Variants in RPA3 observed in about 807,000 individuals in gnomAD.
The protein encoded by RPA3 is replication protein A 14 kDa subunit.
A neutral mutation model predicts 13.7 loss-of-function variants in RPA3; 24 were observed. The ratio of observed to expected loss-of-function variants is 1.75; its 90% CI spans 1.27 to 2.46. The LOEUF is 2.46. Ranked by LOEUF, RPA3 falls within the 30% of genes most tolerant of loss-of-function variation. The pLI is 0.00. For missense variants in RPA3, 183 were observed against 151.0 expected (o/e 1.21, Z -1.11); for synonymous variants, 59 against 51.2 (o/e 1.15, Z -0.65).
chr7:7,659,426 T>A (rs1361923733), intron 4 of RPA3, among the ~76,000 whole-genome samples: 1 of 152,218 alleles, frequency 6.6e-6, no homozygotes, highest in Non-Finnish European at 1.5e-5. Flanking sequence ...TTTCCCACTT[T>A]CTCTTGTTGG....
At chr7:7,670,440 G>A (rs1331827049) in intron 4 of RPA3, among the ~76,000 whole-genome samples, 2 of 152,172 alleles carry the variant, frequency 1.3e-5, no homozygotes, top group African/African-American at 2.4e-5. Flanking sequence ...ACTCCAGGGA[G>A]GGAAGAGAAA....
In RPA3 at chr7:7,639,088, G is replaced by A; in HGVS notation, c.156C>T (p.Thr52=). The part of the protein sequence containing the change: ...ILSDGEGKNG[T]IELMEPLDEE... The stretch of plus-strand genomic sequence containing the variant: ...AACATACGGGTTCCATCAACTCGAT[G>A]GTTCCATTTTTTCCTTCTCCATCTG... The change falls in exon 6 of 8, where the codon ACC becomes ACT. Residue 52 remains threonine (T), a synonymous_variant. Transcript: ENST00000223129. The A allele has an allele frequency of 6.2e-7, 1 of 1,612,222 alleles. No homozygotes were observed. Among genetic ancestry groups the A allele is most frequent in the East Asian group, 2.2e-5 (1 of 44,774 alleles).
intron 4 of RPA3, among the ~76,000 whole-genome samples, chr7:7,648,404 G>A (rs147795737): frequency 1.6e-4 from 25 of 152,212 alleles, no homozygotes; most frequent in Non-Finnish European, 2.8e-4. Context: ...TATGTTCCAG[G>A]TGTGTCTGTC....
Position 7,648,768 on chromosome 7 carries a change from G to A in RPA3, c.-757-7593C>T, listed in dbSNP as rs1381896792. Among the ~76,000 whole-genome samples the A allele has an allele frequency of 2.0e-5, 3 of 152,012 alleles. No homozygotes were observed. The South Asian group carries it at 6.2e-4, about 31-fold the overall frequency. On this transcript the variant is annotated intron_variant, in intron 4 of 7. Coordinates refer to ENST00000223129, the MANE Select transcript of RPA3 (RefSeq NM_002947.5). Reference sequence around the variant, plus strand: ...CTTGGGAGGCTGAGGTGGGAGGATGGCTTGAGTTCAGGAGGTGGAGGTTGC... The same window carrying A: ...CTTGGGAGGCTGAGGTGGGAGGATGACTTGAGTTCAGGAGGTGGAGGTTGC...
At chr7:7,717,898 T>C (rs935802888) in intron 1 of RPA3, among the ~76,000 whole-genome samples, 13 of 152,354 alleles carry the variant, frequency 8.5e-5, no homozygotes, top group African/African-American at 2.6e-4. Context: ...AAAATCTGTT[T>C]ACCAAACTTT....
chr7:7,685,225 A>G (rs142500349), intron 4 of RPA3, among the ~76,000 whole-genome samples: 91 of 152,190 alleles, frequency 6.0e-4, no homozygotes, highest in African/African-American at 2.0e-3. Context: ...TTAAGTAATT[A>G]TCATATTGAG....
rs564798941 is a variant in RPA3 at position 7,662,870 on chromosome 7, G to T, written c.-757-21695C>A. ...AATAAATTTAAAAGAAAGATATAAT[G>T]ATTTTGTTTCAACATGTAAATATTT... On this transcript the variant is annotated intron_variant, in intron 4 of 7. Transcript: ENST00000223129. 1.2e-3 allele frequency among the ~76,000 whole-genome samples: 183 copies of T among 152,200 alleles called. 4 individuals carry two copies. Among genetic ancestry groups the T allele is most frequent in the Admixed American group, 3.7e-3 (57 of 15,296 alleles).
At chr7:7,644,505 T>G (rs1785052399) in intron 4 of RPA3, among the ~76,000 whole-genome samples, 1 of 152,192 alleles carries the variant, frequency 6.6e-6, no homozygotes, top group Non-Finnish European at 1.5e-5. Flanking sequence ...CTAAAATGTT[T>G]AGAGTTTTGC....
At chr7:7,714,134 G>A (rs149064606) in intron 2 of RPA3, among the ~76,000 whole-genome samples, 75 of 152,324 alleles carry the variant, frequency 4.9e-4, no homozygotes, top group African/African-American at 1.6e-3. Context: ...CAGAGAGGGT[G>A]GTACAAATGA....
At chr7:7,639,045 G>A (rs754856446) in intron 6 of RPA3, 25 bp downstream of exon 6, 2 of 1,552,504 alleles carry the variant, frequency 1.3e-6, no homozygotes, top group Non-Finnish European at 1.8e-6. Flanking sequence ...TAATATATAA[G>A]AGACTTATTA....
intron 2 of RPA3, among the ~76,000 whole-genome samples, chr7:7,700,548 GA>G (rs1780433882): frequency 6.6e-6 from 1 of 151,942 alleles, no homozygotes; most frequent in African/African-American, 2.4e-5. Context: ...AACATAGTGA[GA>G]CCCCCATCTC....
At chr7:7,642,233 T>TC (rs1343343101) in intron 4 of RPA3, among the ~76,000 whole-genome samples, 8 of 151,974 alleles carry the variant, frequency 5.3e-5, no homozygotes, top group African/African-American at 1.7e-4. Context: ...CTCGTAGGCT[T>TC]AAGCGATCCT....
chr7:7,712,607 G>A (rs1331664905), intron 2 of RPA3, among the ~76,000 whole-genome samples: 2 of 152,114 alleles, frequency 1.3e-5, no homozygotes, highest in South Asian at 4.2e-4. Flanking sequence ...TTCTAAGTAC[G>A]TAATTATAAC....
intron 5 of RPA3, 82 bp downstream of exon 5, chr7:7,640,238 T>G: frequency 7.0e-6 from 10 of 1,419,474 alleles, no homozygotes; most frequent in Non-Finnish European, 9.9e-6. Context: ...AGGCTTTCCG[T>G]CCTTTTTCAT....
chr7:7,692,683 C>T lies in RPA3; in HGVS notation c.-1027-5355G>A, dbSNP rs182349137. ...GGAGTGCAGTAGCGTGATCTCAGCT[C>T]ACTGCAACCTCCACCTCCTGGGTTC... On this transcript the variant is annotated intron_variant, in intron 2 of 7. Coordinates refer to ENST00000223129, the MANE Select transcript of RPA3 (RefSeq NM_002947.5). Among the ~76,000 whole-genome samples the T allele has an allele frequency of 2.6e-4, 40 of 152,248 alleles. 1 individual carries two copies. Among genetic ancestry groups the T allele is most frequent in the Admixed American group, 1.9e-3 (29 of 15,292 alleles).
chr7:7,655,647 C>G (rs1167252149), intron 4 of RPA3, among the ~76,000 whole-genome samples: 1 of 152,168 alleles, frequency 6.6e-6, no homozygotes, highest in East Asian at 1.9e-4. Context: ...GTTTTATTAA[C>G]TCATATAACT....
rs553328824 is a variant in RPA3, at chr7:7,697,829, T to G, written c.-1027-10501A>C. Among the ~76,000 whole-genome samples the G allele has an allele frequency of 1.1e-4, 16 of 152,304 alleles. No individual in the cohort carries two copies. The East Asian group carries it at 3.1e-3, about 29-fold the overall frequency. ...ACTCTTGGGTATCCATCTTCCAATT[T>G]GAGACGTATAAATCAGAGTTTTTCA... is the stretch of plus-strand genomic sequence containing the variant. On this transcript the variant is annotated intron_variant, in intron 2 of 7. Coordinates refer to ENST00000223129, the MANE Select transcript of RPA3 (RefSeq NM_002947.5).
At chr7:7,700,460 T>A (rs1324066422) in intron 2 of RPA3, among the ~76,000 whole-genome samples, 2 of 152,162 alleles carry the variant, frequency 1.3e-5, no homozygotes, top group African/African-American at 2.4e-5. Flanking sequence ...GTGCAGTGGC[T>A]CATGCCTGTA....
intron 2 of RPA3, among the ~76,000 whole-genome samples, chr7:7,708,390 A>G (rs780584130): frequency 6.6e-6 from 1 of 152,224 alleles, no homozygotes; most frequent in Non-Finnish European, 1.5e-5. Context: ...GATATATATT[A>G]TAAATTGTTT....
Sources: gnomAD v4.1 joint callset for allele counts (sites outside exome capture counted in the v4.1 genomes callset) on GRCh38, gnomAD v4.1.1 for gene constraint, MANE v1.5 for transcripts, NCBI Gene and HGNC (gene_info 2026-07-23, HGNC 2026-07-21) for gene names.